Variants in EPHA6 observed in about 807,000 individuals in gnomAD.
EPHA6 encodes ephrin type-A receptor 6.
EPHA6 carries 50 observed loss-of-function variants against 112.0 expected under a neutral mutation model. The ratio of observed to expected loss-of-function variants is 0.45; its 90% CI spans 0.36 to 0.56. The LOEUF (loss-of-function observed/expected upper bound fraction) is 0.56. Among genes scored for constraint, EPHA6 ranks in the 20% least tolerant of loss-of-function variants. The pLI, the probability that EPHA6 is intolerant of heterozygous loss-of-function variation, is 0.00. For synonymous variants in EPHA6, 529 were observed against 490.7 expected (o/e 1.08, Z -1.03); for missense variants, 1,280 against 1,417.4 (o/e 0.90, Z 1.56).
At position 97,274,675 on chromosome 3, in the gene EPHA6, A is replaced by G. The variant is rs532457485; in HGVS notation, c.1606+30388A>G. Among the ~76,000 whole-genome samples, 298 of 152,306 alleles carry G rather than the reference A, an allele frequency of 2.0e-3. 4 individuals are homozygous for G. Among genetic ancestry groups the G allele is most frequent in the East Asian group, 9.7e-4 (5 of 5,174 alleles). On this transcript the variant is annotated intron_variant, in intron 5 of 17. Transcript: ENST00000389672. ...TGATACATGTGGAAGATACTATAGCATAGCCTGCCTTTGCTGGTGAGTGGC... is the reference window on the plus strand; with the variant it reads ...TGATACATGTGGAAGATACTATAGCGTAGCCTGCCTTTGCTGGTGAGTGGC...
chr3:97,358,628 C>T (rs2084205890), intron 5 of EPHA6, among the ~76,000 whole-genome samples: 1 of 151,968 alleles, frequency 6.6e-6, no homozygotes, highest in African/African-American at 2.4e-5. Flanking sequence ...TATACTTGCA[C>T]ATGTATTTAC....
intron 3 of EPHA6, among the ~76,000 whole-genome samples, chr3:97,033,285 T>C (rs2044949227): frequency 6.6e-6 from 1 of 152,008 alleles, no homozygotes; most frequent in Admixed American, 6.6e-5. Flanking sequence ...TGTGTACTGA[T>C]AGTAATCAAA....
rs147138313 is a variant in EPHA6 at position 97,119,594 on chromosome 3, A to C, written c.1115-106670A>C. On this transcript the variant is annotated intron_variant, in intron 3 of 17. Coordinates refer to ENST00000389672, the MANE Select transcript of EPHA6 (RefSeq NM_001080448.3). ...AGGGCAAATCAGTAGCTTAAAAAGA[A>C]ATGGAATTGGAGAAGATGAGACAGA... is the stretch of plus-strand genomic sequence containing the variant. Among the ~76,000 whole-genome samples the C allele has an allele frequency of 2.7e-3, 406 of 152,096 alleles. 1 individual carries two copies. Among genetic ancestry groups the C allele is most frequent in the African/African-American group, 9.1e-3 (376 of 41,524 alleles).
At chr3:97,645,403 A>G (rs1227072052) in intron 14 of EPHA6, among the ~76,000 whole-genome samples, 2 of 145,070 alleles carry the variant, frequency 1.4e-5, no homozygotes, top group Non-Finnish European at 3.0e-5. Flanking sequence ...TTCTCAGTAA[A>G]CTATCACAAG....
At position 97,724,235 on chromosome 3, in the gene EPHA6, C is replaced by A. The variant is rs930576161; in HGVS notation, c.2934+3825C>A. Among the ~76,000 whole-genome samples the A allele has an allele frequency of 2.0e-5, 3 of 152,000 alleles. No homozygotes were observed. The East Asian group carries it at 5.8e-4, about 29-fold the overall frequency. ...CTGCAGACTGTTGTATATTTTATTACAATGAACAATTCTGAATCTGCAGAA... is the reference window on the plus strand; with the variant it reads ...CTGCAGACTGTTGTATATTTTATTAAAATGAACAATTCTGAATCTGCAGAA... On this transcript the variant is annotated intron_variant, in intron 15 of 17. Coordinates refer to ENST00000389672, the MANE Select transcript of EPHA6 (RefSeq NM_001080448.3).
chr3:97,018,363 C>T (rs577328655), intron 3 of EPHA6, among the ~76,000 whole-genome samples: 1 of 152,002 alleles, frequency 6.6e-6, no homozygotes, highest in Non-Finnish European at 1.5e-5. Flanking sequence ...CAGCTGGGCC[C>T]GGGAGACCAC....
intron 16 of EPHA6, among the ~76,000 whole-genome samples, chr3:97,736,470 A>AGTGTGT (rs376497031): frequency 1.8e-3 from 219 of 118,862 alleles, no homozygotes; most frequent in East Asian, 6.2e-3. Flanking sequence ...AGAGAGAGAG[A>AGTGTGT]GTGTGTGTGT....
At chr3:97,701,505 T>A (rs2033386717) in intron 14 of EPHA6, among the ~76,000 whole-genome samples, 1 of 152,162 alleles carries the variant, frequency 6.6e-6, no homozygotes, top group South Asian at 2.1e-4. Context: ...GCACTTATTA[T>A]ATCTGATATC....
intron 5 of EPHA6, among the ~76,000 whole-genome samples, chr3:97,309,134 A>T (rs2081442079): frequency 6.6e-6 from 1 of 151,728 alleles, no homozygotes; most frequent in South Asian, 2.1e-4. Context: ...AGAAAGCAAG[A>T]TGTAAAATTT....
chr3:97,275,948 C>T (rs893533020), intron 5 of EPHA6, among the ~76,000 whole-genome samples: 16 of 151,948 alleles, frequency 1.1e-4, no homozygotes, highest in Non-Finnish European at 2.2e-4. Flanking sequence ...TAAAATGTCT[C>T]GACCTAATAA....
chr3:97,454,238 T>C (rs1480723862), intron 7 of EPHA6, among the ~76,000 whole-genome samples: 4 of 151,798 alleles, frequency 2.6e-5, no homozygotes, highest in African/African-American at 9.7e-5. Context: ...TATTTTATTG[T>C]TCAAAGGCGT....
chr3:97,631,927 C>A (rs947738453), intron 13 of EPHA6, among the ~76,000 whole-genome samples: 5 of 151,890 alleles, frequency 3.3e-5, no homozygotes, highest in Admixed American at 3.3e-4. Flanking sequence ...CTAAGCTATT[C>A]GGTTGGTGGG....
chr3:96,883,240 CT>C (rs1303132040), intron 2 of EPHA6, among the ~76,000 whole-genome samples: 1 of 152,100 alleles, frequency 6.6e-6, no homozygotes, highest in Admixed American at 6.5e-5. Context: ...TGAGAATTGT[CT>C]ATTCATGTCC....
chr3:97,012,560 G>T (rs2044124918), intron 3 of EPHA6, among the ~76,000 whole-genome samples: 1 of 144,716 alleles, frequency 6.9e-6, no homozygotes, highest in African/African-American at 2.5e-5. Context: ...TATAAAACTA[G>T]AATATATATA....
intron 5 of EPHA6, among the ~76,000 whole-genome samples, chr3:97,276,067 C>T (rs537624602): frequency 4.6e-5 from 7 of 152,102 alleles, no homozygotes; most frequent in African/African-American, 1.7e-4. Context: ...GCCGTCAATA[C>T]CCACAACAGT....
chr3:97,016,517 G>T (rs2044271815), intron 3 of EPHA6, among the ~76,000 whole-genome samples: 1 of 152,130 alleles, frequency 6.6e-6, no homozygotes, highest in Non-Finnish European at 1.5e-5. Context: ...ATACAATTCA[G>T]TTAAAATCAA....
chr3:96,819,460 CATACACAA>C (rs2033077726), intron 1 of EPHA6, among the ~76,000 whole-genome samples: 6 of 152,020 alleles, frequency 3.9e-5, no homozygotes, highest in African/African-American at 1.4e-4. Context: ...TCCCACCTCA[CATACACAA>C]ATGCTTCTGA....
At chr3:97,491,904 CACAT>C (rs2091848527) in intron 10 of EPHA6, among the ~76,000 whole-genome samples, 1 of 151,914 alleles carries the variant, frequency 6.6e-6, no homozygotes, top group African/African-American at 2.4e-5. Flanking sequence ...TTAATTCTGA[CACAT>C]ACAGTTGATC....
rs79513824 is a variant in EPHA6, at chr3:97,755,928, A to T, written c.*7227A>T. ...CTACACTTTTAAGATTTTTACCGTA[A>T]GTAAAATGTCCTCTTCCACTGCTTT... On this transcript the variant is annotated 3_prime_UTR_variant, in exon 18 of 18. Transcript: ENST00000389672. Among the ~76,000 whole-genome samples the T allele has an allele frequency of 0.038, 5,821 of 152,154 alleles. 202 individuals are homozygous for T. Among genetic ancestry groups the T allele is most frequent in the African/African-American group, 0.094 (3,898 of 41,534 alleles).
Sources: allele counts gnomAD v4.1 joint callset (sites outside exome capture counted in the v4.1 genomes callset), GRCh38; gene constraint gnomAD v4.1.1; transcripts MANE v1.5; gene names NCBI Gene and HGNC (gene_info 2026-07-23, HGNC 2026-07-21).